DYM: variants seen among roughly 807,000 people sequenced by gnomAD.
The protein encoded by DYM is dyggve-Melchior-Clausen syndrome protein.
DYM carries 78 observed loss-of-function variants against 93.1 expected under a neutral mutation model. The ratio of observed to expected loss-of-function variants is 0.84; its 90% CI spans 0.70 to 1.01. The LOEUF is 1.01. Ranked by LOEUF, DYM falls within the 50% of genes least tolerant of loss-of-function variation. The pLI is 0.00. For missense variants in DYM, 789 were observed against 845.0 expected (o/e 0.93, Z 0.82); for synonymous variants, 321 against 319.7 (o/e 1.00, Z -0.04).
At position 49,105,954 on chromosome 18, in the gene DYM, G is replaced by A. The variant is rs150646705; in HGVS notation, c.1912-8439C>T. Among the ~76,000 whole-genome samples the A allele has an allele frequency of 3.2e-3, 485 of 152,258 alleles. 7 individuals carry two copies. The highest frequency in any genetic ancestry group is 3.1e-4 in the Non-Finnish European group (21 of 68,010). On this transcript the variant is annotated intron_variant, in intron 16 of 17. Transcript: ENST00000675505. ...TGGTTAAGAGCTGAGCTCAGTTCCT[G>A]GATATCCTTGTTAACTTTCTGTCTT...
chr18:49,076,866 C>G (rs562563296), intron 17 of DYM, among the ~76,000 whole-genome samples: 1 of 152,278 alleles, frequency 6.6e-6, no homozygotes, highest in Non-Finnish European at 1.5e-5. Context: ...AAAGAATGCT[C>G]TTAAGTCTTC....
chr18:49,097,086 T>C, intron 17 of DYM: 1 of 426,572 alleles, frequency 2.3e-6, no homozygotes, highest in Non-Finnish European at 4.4e-6. Flanking sequence ...ATCATCTTCA[T>C]CATCACCTTC....
At chr18:49,322,395 G>A (rs550239281) in intron 8 of DYM, among the ~76,000 whole-genome samples, 320 of 151,970 alleles carry the variant, frequency 2.1e-3, no homozygotes, top group Non-Finnish European at 2.9e-3. Flanking sequence ...TTAAAACACA[G>A]AAGAAATTTC....
chr18:49,357,987 A>G (rs2065711818), intron 6 of DYM, among the ~76,000 whole-genome samples: 1 of 152,080 alleles, frequency 6.6e-6, no homozygotes, highest in African/African-American at 2.4e-5. Flanking sequence ...CATCTCTAAA[A>G]ATAATTTTAA....
chr18:49,288,750 A>C (rs2059825481), intron 8 of DYM, among the ~76,000 whole-genome samples: 1 of 152,120 alleles, frequency 6.6e-6, no homozygotes, highest in South Asian at 2.1e-4. Context: ...ACTGCACTCC[A>C]GCCTGGGCGA....
At chr18:49,106,583 T>C (rs1271521037) in intron 16 of DYM, among the ~76,000 whole-genome samples, 1 of 152,214 alleles carries the variant, frequency 6.6e-6, no homozygotes, top group Admixed American at 6.5e-5. Context: ...CTTCAGGAGC[T>C]CTTTTAGGGC....
At chr18:49,158,710 C>G (rs1267060353) in intron 15 of DYM, among the ~76,000 whole-genome samples, 1 of 151,986 alleles carries the variant, frequency 6.6e-6, no homozygotes, top group South Asian at 2.1e-4. Context: ...TTTGTTTGTG[C>G]CTGGCTTGTT....
chr18:49,119,440 T>C (rs1272595108), intron 15 of DYM, among the ~76,000 whole-genome samples: 1 of 152,160 alleles, frequency 6.6e-6, no homozygotes, highest in Non-Finnish European at 1.5e-5. Context: ...AATCTGAACA[T>C]AAAATAGTTG....
At chr18:49,193,355 T>C (rs111316024) in intron 14 of DYM, among the ~76,000 whole-genome samples, 42 of 152,270 alleles carry the variant, frequency 2.8e-4, no homozygotes, top group African/African-American at 8.7e-4. Context: ...AAAAATTCTA[T>C]ACATCTAAAG....
At chr18:49,420,293 G>A (rs1362913165) in intron 2 of DYM, among the ~76,000 whole-genome samples, 4 of 150,090 alleles carry the variant, frequency 2.7e-5, no homozygotes, top group Non-Finnish European at 4.4e-5. Flanking sequence ...TCAGCCTCCC[G>A]AGTAGCTGGG....
chr18:49,264,044 T>C (rs944062609), intron 11 of DYM, among the ~76,000 whole-genome samples: 3 of 151,566 alleles, frequency 2.0e-5, no homozygotes, highest in African/African-American at 7.3e-5. Flanking sequence ...CTCATTGTTC[T>C]ACACTGATAA....
At chr18:49,069,093 A>G (rs891407526) in intron 17 of DYM, among the ~76,000 whole-genome samples, 6 of 152,238 alleles carry the variant, frequency 3.9e-5, no homozygotes, top group African/African-American at 1.4e-4. Context: ...TTGACAACAC[A>G]TTAGTAAAAT....
intron 6 of DYM, among the ~76,000 whole-genome samples, chr18:49,343,967 AT>A (rs2064368404): frequency 6.6e-6 from 1 of 151,518 alleles, no homozygotes; most frequent in South Asian, 2.1e-4. Flanking sequence ...AAAAAAAAAA[AT>A]CACTAGACTC....
intron 17 of DYM, among the ~76,000 whole-genome samples, chr18:49,092,025 G>A (rs547500111): frequency 3.4e-4 from 51 of 152,168 alleles, no homozygotes; most frequent in African/African-American, 4.8e-4. Flanking sequence ...AGGCAATATC[G>A]GAGCCCATCA....
At chr18:49,436,675 A>G (rs753999655) in intron 1 of DYM, among the ~76,000 whole-genome samples, 6 of 152,166 alleles carry the variant, frequency 3.9e-5, no homozygotes, top group African/African-American at 9.7e-5. Flanking sequence ...AGTGTACTGA[A>G]TAAGTACCTC....
intron 14 of DYM, among the ~76,000 whole-genome samples, chr18:49,200,370 G>A (rs79877608): frequency 0.11 from 16,227 of 151,654 alleles, 1,069 homozygotes; most frequent in East Asian, 0.29. Context: ...TAATTTTTAT[G>A]TAGTTGTTTT....
chr18:49,284,110 T>G (rs1354960768), intron 9 of DYM, among the ~76,000 whole-genome samples: 2 of 152,150 alleles, frequency 1.3e-5, no homozygotes. Context: ...TCTTTAAAAT[T>G]GAAGGAAAGT....
rs1028114737 is a variant in DYM, at chr18:49,384,924, GA to G, written c.194-5167del. On this transcript the variant is annotated intron_variant, in intron 3 of 17. Transcript: ENST00000675505. The stretch of plus-strand genomic sequence containing the variant: ...AAAATCAGAGCCATAATGAAAAAAA[GA>G]AAAAAAAAAACCTTCTGAACTGAAA... Among the ~76,000 whole-genome samples the G allele has an allele frequency of 2.1e-4, 29 of 137,122 alleles. 1 individual carries two copies. Among genetic ancestry groups the G allele is most frequent in the East Asian group, 8.5e-4 (4 of 4,688 alleles). 90.0% of individuals were successfully genotyped at this position (137,122 alleles called of 152,430 possible).
chr18:49,062,276 A>C (rs1872519909), intron 17 of DYM, among the ~76,000 whole-genome samples: 1 of 152,182 alleles, frequency 6.6e-6, no homozygotes. Flanking sequence ...AAATCTTACA[A>C]AACTAAAACA....
Sources: allele counts gnomAD v4.1 joint callset (sites outside exome capture counted in the v4.1 genomes callset), GRCh38; gene constraint gnomAD v4.1.1; transcripts MANE v1.5; gene names NCBI Gene and HGNC (gene_info 2026-07-23, HGNC 2026-07-21).